The following LINGO1 variants were observed in gnomAD, a reference collection of about 807,000 sequenced individuals.
The protein encoded by LINGO1 is leucine rich repeat and Ig domain containing 1.
A neutral mutation model predicts 37.3 loss-of-function variants in LINGO1; 11 were observed. The observed-to-expected ratio is 0.29, with a 90% CI of 0.19 to 0.49. LINGO1 has a LOEUF of 0.49. Ranked by LOEUF, LINGO1 falls within the 20% of genes least tolerant of loss-of-function variation. The probability of loss-of-function intolerance (pLI) is 0.99; values close to 1 mark genes in which losing one functional copy is unlikely to be tolerated. For missense variants in LINGO1, 585 were observed against 878.2 expected (o/e 0.67, Z 4.22); for synonymous variants, 387 against 403.0 (o/e 0.96, Z 0.48).
At chr15:77,784,942 A>C (rs2076756727) in intron 1 of LINGO1, 1 of 152,250 alleles carries the variant, frequency 6.6e-6, no homozygotes, top group Non-Finnish European at 1.5e-5. Context: ...AGCTCTTCCA[A>C]GCCTGCCCAG....
Position 77,720,764 on chromosome 15 carries a change from G to C in LINGO1, c.-195+14228C>G, listed in dbSNP as rs1344298560. ...TAGATCTCAGAGTGGAGACCAGGCA[G>C]ACGTGACAACGTCCGCGTGCTCCTG... On this transcript the variant is annotated intron_variant, in intron 2 of 3. Transcript: ENST00000561686. 2.6e-5 allele frequency: 4 copies of C among 151,912 alleles called. No individual in the cohort carries two copies. In the East Asian group the frequency reaches 5.9e-4, roughly 22 times the overall value. 9.4% of individuals were successfully genotyped at this position (151,912 alleles called of 1,614,324 possible).
chr15:77,819,404 G>A (rs1372809953), intron 1 of LINGO1: 1 of 151,436 alleles, frequency 6.6e-6, no homozygotes, highest in African/African-American at 2.4e-5. Context: ...GCGGCGGCGA[G>A]CGCGGCAGGG....
In LINGO1 at chr15:77,615,774, G is replaced by A. The variant is rs2073691320; in HGVS notation, c.133C>T (p.Arg45Cys). The A allele has an allele frequency of 1.9e-6, 3 of 1,573,906 alleles. No homozygotes were observed. The highest frequency in any genetic ancestry group is 2.6e-6 in the Non-Finnish European group (3 of 1,166,364). ...LSGSATGCPP[R>C]CECSAQDRAV... is the part of the protein sequence containing the mutation. ...CGGTCCTGGGCGGAGCACTCGCAGC[G>A]GGGCGGGCAGCCCGTGGCCGAGCCT... The change falls in exon 2 of 2, where the codon CGC (arginine) becomes TGC (cysteine). Residue 45 changes from arginine to cysteine, a missense_variant. Physicochemically the swap from Arg to Cys is radical, Grantham distance 180 (BLOSUM62 -3). Coordinates refer to ENST00000355300, the MANE Select transcript of LINGO1 (RefSeq NM_032808.7).
chr15:77,689,382 G>C, intron 2 of LINGO1, among the ~76,000 whole-genome samples: 1 of 152,206 alleles, frequency 6.6e-6, no homozygotes, highest in East Asian at 1.9e-4. Flanking sequence ...GCCTCCCTGC[G>C]CTAAAGGGTA....
chr15:77,727,359 A>G (rs2076112341), intron 2 of LINGO1, among the ~76,000 whole-genome samples: 1 of 152,266 alleles, frequency 6.6e-6, no homozygotes, highest in South Asian at 2.1e-4. Context: ...CAACAGATGA[A>G]CAGATAAACA....
chr15:77,704,243 A>G lies in LINGO1; in HGVS notation c.-194-13342T>C, dbSNP rs1158392956. Among the ~76,000 whole-genome samples, 5 of 152,266 alleles carry G rather than the reference A, an allele frequency of 3.3e-5. No homozygotes were observed. The East Asian group carries it at 7.7e-4, about 24-fold the overall frequency. On this transcript the variant is annotated intron_variant, in intron 2 of 3. Transcript: ENST00000561686. ...CTTGAGCACTTGACTAACAGGCCCC[A>G]TGGGAGAGACAAGCAGAGAGCTCAG...
intron 2 of LINGO1, among the ~76,000 whole-genome samples, chr15:77,678,646 G>C (rs1328427588): frequency 6.6e-6 from 1 of 152,206 alleles, no homozygotes; most frequent in Non-Finnish European, 1.5e-5. Flanking sequence ...GTTTTTGTGT[G>C]AATGTAAGTT....
intron 3 of LINGO1, among the ~76,000 whole-genome samples, chr15:77,672,364 G>C (rs2075265546): frequency 6.6e-6 from 1 of 152,108 alleles, no homozygotes. Flanking sequence ...AATGCCTGCA[G>C]AGGTGTTAAC....
intron 1 of LINGO1, among the ~76,000 whole-genome samples, chr15:77,735,459 T>C (rs2076195041): frequency 6.6e-6 from 1 of 152,208 alleles, no homozygotes; most frequent in Admixed American, 6.5e-5. Flanking sequence ...GTGTGGCTTA[T>C]GGTCCCAAGG....
At chr15:77,810,310 TCACA>T (rs923557164) in intron 1 of LINGO1, among the ~76,000 whole-genome samples, 2 of 144,686 alleles carry the variant, frequency 1.4e-5, no homozygotes, top group African/African-American at 2.6e-5. Flanking sequence ...GTAACTAGGC[TCACA>T]CACACACATA....
chr15:77,631,759 A>C (rs933209592), intron 1 of LINGO1, among the ~76,000 whole-genome samples: 1 of 151,120 alleles, frequency 6.6e-6, no homozygotes, highest in Non-Finnish European at 1.5e-5. Context: ...CCTTCCTTCC[A>C]CTCTCCCTAC....
chr15:77,672,977 G>T (rs2075275880), intron 3 of LINGO1, among the ~76,000 whole-genome samples: 1 of 152,168 alleles, frequency 6.6e-6, no homozygotes, highest in Admixed American at 6.5e-5. Context: ...AGACTTTGGG[G>T]ACATTTCAGC....
chr15:77,743,619 G>A (rs1380517651), intron 1 of LINGO1, among the ~76,000 whole-genome samples: 3 of 152,206 alleles, frequency 2.0e-5, no homozygotes, highest in Non-Finnish European at 4.4e-5. Context: ...CCTTTAGACA[G>A]TCAAATTACA....
chr15:77,739,002 C>A (rs1030530361), intron 1 of LINGO1, among the ~76,000 whole-genome samples: 1 of 152,270 alleles, frequency 6.6e-6, no homozygotes, highest in South Asian at 2.1e-4. Flanking sequence ...GGCGCAGCAG[C>A]GCACACTGCA....
intron 1 of LINGO1, among the ~76,000 whole-genome samples, chr15:77,626,277 T>C (rs1275272850): frequency 6.6e-6 from 1 of 151,676 alleles, no homozygotes; most frequent in Non-Finnish European, 1.5e-5. Context: ...GTGAGAGAGT[T>C]TGGGTTATTT....
intron 2 of LINGO1, among the ~76,000 whole-genome samples, chr15:77,683,971 A>C (rs933401327): frequency 6.6e-6 from 1 of 152,028 alleles, no homozygotes; most frequent in Admixed American, 6.5e-5. Context: ...TCCCTTTTCC[A>C]GCCTTACCTT....
chr15:77,720,659 C>T (rs925297567), intron 2 of LINGO1: 3 of 152,216 alleles, frequency 2.0e-5, no homozygotes, highest in African/African-American at 7.2e-5. Flanking sequence ...CTGTCACAAT[C>T]AGTCATAATT....
intron 3 of LINGO1, among the ~76,000 whole-genome samples, chr15:77,649,778 C>T (rs1489510289): frequency 6.6e-6 from 1 of 152,112 alleles, no homozygotes; most frequent in Admixed American, 6.5e-5. Flanking sequence ...CCTGCCCCCC[C>T]GAGTGCAGCA....
intron 1 of LINGO1, among the ~76,000 whole-genome samples, chr15:77,754,088 T>G (rs1227819282): frequency 1.5e-5 from 2 of 137,368 alleles, no homozygotes. Flanking sequence ...GGAGCAGGGA[T>G]GGGGGAAAGG....
Sources: allele counts gnomAD v4.1 joint callset (sites outside exome capture counted in the v4.1 genomes callset), GRCh38; gene constraint gnomAD v4.1.1; transcripts MANE v1.5; gene names NCBI Gene and HGNC (gene_info 2026-07-23, HGNC 2026-07-21).